The following NKAIN2 variants were observed in gnomAD, a reference collection of about 807,000 sequenced individuals.
NKAIN2 encodes the protein sodium/potassium-transporting ATPase subunit beta-1-interacting protein 2.
Under a neutral mutation model 32.6 loss-of-function variants are expected in NKAIN2, and 14 were observed. The ratio of observed to expected loss-of-function variants is 0.43; its 90% confidence interval spans 0.28 to 0.67. The LOEUF is 0.67. Among genes scored for constraint, NKAIN2 ranks in the 30% least tolerant of loss-of-function variants. NKAIN2 has a pLI of 0.17. For missense variants in NKAIN2, 198 were observed against 258.3 expected (o/e 0.77, Z 1.60); for synonymous variants, 80 against 87.2 (o/e 0.92, Z 0.46).
chr6:124,387,434 C>G (rs953099957), intron 3 of NKAIN2, among the ~76,000 whole-genome samples: 5 of 152,022 alleles, frequency 3.3e-5, no homozygotes, highest in African/African-American at 9.7e-5. Flanking sequence ...AACAAAGCAT[C>G]AGACTCAAAG....
intron 1 of NKAIN2, among the ~76,000 whole-genome samples, chr6:124,262,547 G>C (rs1217173438): frequency 6.6e-6 from 1 of 152,206 alleles, no homozygotes; most frequent in African/African-American, 2.4e-5. Context: ...TAAAAATGCT[G>C]TCAATTCCTA....
At chr6:124,464,940 T>C (rs1776684029) in intron 3 of NKAIN2, among the ~76,000 whole-genome samples, 1 of 152,100 alleles carries the variant, frequency 6.6e-6, no homozygotes, top group Admixed American at 6.6e-5. Flanking sequence ...TAGCATTGAA[T>C]CTATAAATTA....
At chr6:124,738,148 C>T (rs1307842229) in intron 4 of NKAIN2, among the ~76,000 whole-genome samples, 1 of 151,806 alleles carries the variant, frequency 6.6e-6, no homozygotes, top group Non-Finnish European at 1.5e-5. Context: ...AAGTTAGTAT[C>T]AACTTAGAAT....
At chr6:124,807,576 A>G (rs1243869589) in intron 5 of NKAIN2, among the ~76,000 whole-genome samples, 1 of 147,816 alleles carries the variant, frequency 6.8e-6, no homozygotes, top group Non-Finnish European at 1.5e-5. Flanking sequence ...CACAATTAAA[A>G]GAACTAGAAA....
chr6:124,519,291 A>G (rs1164002377), intron 3 of NKAIN2, among the ~76,000 whole-genome samples: 1 of 152,236 alleles, frequency 6.6e-6, no homozygotes, highest in Non-Finnish European at 1.5e-5. Flanking sequence ...TTTGGTGGAT[A>G]AACTAAGAAG....
chr6:124,117,280 C>A (rs1785661019), intron 1 of NKAIN2, among the ~76,000 whole-genome samples: 1 of 151,974 alleles, frequency 6.6e-6, no homozygotes, highest in Admixed American at 6.6e-5. Flanking sequence ...TCAGTGGTAC[C>A]CAATTACCTA....
intron 3 of NKAIN2, among the ~76,000 whole-genome samples, chr6:124,469,393 T>C (rs1776886051): frequency 6.6e-6 from 1 of 152,180 alleles, no homozygotes; most frequent in Admixed American, 6.5e-5. Flanking sequence ...AAGATTTTTC[T>C]TGGTAAAATG....
intron 1 of NKAIN2, among the ~76,000 whole-genome samples, chr6:124,197,745 G>C (rs1790383340): frequency 6.6e-6 from 1 of 151,536 alleles, no homozygotes; most frequent in African/African-American, 2.4e-5. Flanking sequence ...ATGCCCCTTG[G>C]TAATCAATCT....
At chr6:124,487,304 A>G (rs1777690612) in intron 3 of NKAIN2, among the ~76,000 whole-genome samples, 1 of 152,178 alleles carries the variant, frequency 6.6e-6, no homozygotes, top group African/African-American at 2.4e-5. Context: ...CAAAAAGATG[A>G]GACTCCAATT....
intron 3 of NKAIN2, among the ~76,000 whole-genome samples, chr6:124,540,692 G>C (rs9491189): frequency 0.081 from 12,298 of 152,186 alleles, 840 homozygotes; most frequent in African/African-American, 0.19. Flanking sequence ...TTTTTTGACT[G>C]TACAATGGTG....
intron 2 of NKAIN2, among the ~76,000 whole-genome samples, chr6:124,289,803 G>A (rs775959785): frequency 1.3e-5 from 2 of 152,074 alleles, no homozygotes; most frequent in African/African-American, 2.4e-5. Flanking sequence ...TTTCTAAGAA[G>A]TCATTAATCT....
chr6:124,763,520 G>A (rs1034337768), intron 4 of NKAIN2, among the ~76,000 whole-genome samples: 10 of 152,134 alleles, frequency 6.6e-5, no homozygotes, highest in South Asian at 2.1e-4. Flanking sequence ...AGAATAGCAC[G>A]AAGGGGGCAA....
chr6:123,878,761 A>C (rs1773298388), intron 1 of NKAIN2, among the ~76,000 whole-genome samples: 1 of 151,962 alleles, frequency 6.6e-6, no homozygotes, highest in East Asian at 1.9e-4. Flanking sequence ...TCTGTACTCT[A>C]TATTTTGGCA....
At chr6:124,383,587 C>T (rs1439498529) in intron 3 of NKAIN2, among the ~76,000 whole-genome samples, 1 of 152,162 alleles carries the variant, frequency 6.6e-6, no homozygotes, top group Non-Finnish European at 1.5e-5. Flanking sequence ...TTCCCTCAGC[C>T]TGGCAGAGTG....
chr6:124,214,019 A>G (rs1205575061), intron 1 of NKAIN2, among the ~76,000 whole-genome samples: 1 of 152,192 alleles, frequency 6.6e-6, no homozygotes, highest in Non-Finnish European at 1.5e-5. Flanking sequence ...TAATGATTAC[A>G]GATGTGCCAA....
rs1041829014 is a variant in NKAIN2 at position 123,818,875 on chromosome 6, C to T, written c.54+14621C>T. Reference sequence around the variant, plus strand: ...ATAGAGGCAAAACAAACAAACAAAACGTTATAAACTTAGAACTAGATGTAG... The same window carrying T: ...ATAGAGGCAAAACAAACAAACAAAATGTTATAAACTTAGAACTAGATGTAG... On this transcript the variant is annotated intron_variant, in intron 1 of 6. Coordinates refer to ENST00000368417, the MANE Select transcript of NKAIN2 (RefSeq NM_001040214.3). 5.3e-5 allele frequency among the ~76,000 whole-genome samples: 8 copies of T among 152,016 alleles called. No individual in the cohort carries two copies. The East Asian group carries it at 7.7e-4, about 15-fold the overall frequency.
intron 1 of NKAIN2, among the ~76,000 whole-genome samples, chr6:123,875,223 G>C (rs1215663332): frequency 6.6e-6 from 1 of 151,792 alleles, no homozygotes; most frequent in Admixed American, 6.6e-5. Context: ...TTTTCTCACT[G>C]TTTCCTTAGC....
At chr6:123,982,905 A>G (rs1189401557) in intron 1 of NKAIN2, among the ~76,000 whole-genome samples, 3 of 151,430 alleles carry the variant, frequency 2.0e-5, no homozygotes, top group Non-Finnish European at 4.4e-5. Context: ...ATTGAAAGAC[A>G]CTCCCTCCTT....
intron 1 of NKAIN2, among the ~76,000 whole-genome samples, chr6:124,056,068 C>T (rs903917599): frequency 3.3e-5 from 5 of 152,026 alleles, no homozygotes. Flanking sequence ...TGATCGATTG[C>T]CCACATTTCT....
Sources: gnomAD v4.1 joint callset for allele counts (sites outside exome capture counted in the v4.1 genomes callset) on GRCh38, gnomAD v4.1.1 for gene constraint, MANE v1.5 for transcripts, NCBI Gene and HGNC (gene_info 2026-07-23, HGNC 2026-07-21) for gene names.